The following CFAP54 variants were observed in gnomAD, a reference collection of about 807,000 sequenced individuals.
CFAP54 encodes the protein cilia- and flagella-associated protein 54.
A neutral mutation model predicts 370.4 loss-of-function variants in CFAP54; 290 were observed. That is an observed-to-expected ratio of 0.78 (90% CI 0.71 to 0.86). The LOEUF is 0.86. Among genes scored for constraint, CFAP54 ranks in the 40% least tolerant of loss-of-function variants. The pLI, the probability that CFAP54 is intolerant of heterozygous loss-of-function variation, is 0.00. For synonymous variants in CFAP54, 1,206 were observed against 1,236.5 expected (o/e 0.98, Z 0.52); for missense variants, 3,399 against 3,528.7 (o/e 0.96, Z 0.93).
chr12:96,677,723 T>C (rs1957227748), intron 39 of CFAP54, among the ~76,000 whole-genome samples: 1 of 152,306 alleles, frequency 6.6e-6, no homozygotes, highest in Admixed American at 6.5e-5. Context: ...AAATGTGTGA[T>C]AGGGAATTGT....
chr12:96,533,396 G>A (rs1392616702), intron 9 of CFAP54, among the ~76,000 whole-genome samples: 2 of 152,054 alleles, frequency 1.3e-5, no homozygotes, highest in Non-Finnish European at 2.9e-5. Flanking sequence ...ATTATTCTGT[G>A]CAAGGCAACA....
Position 96,519,043 on chromosome 12 carries a change from A to T in CFAP54, c.914A>T (p.Tyr305Phe). The T allele has an allele frequency of 6.5e-7, 1 of 1,534,944 alleles. No individual in the cohort carries two copies. The highest frequency in any genetic ancestry group is 8.7e-7 in the Non-Finnish European group (1 of 1,146,582). ...TLYTAVCQCC[Y>F]DCHAGIHGEA... The stretch of plus-strand genomic sequence containing the variant: ...TACACAGCTGTTTGCCAGTGCTGCT[A>T]TGACTGCCATGCCGGGATTCACGGA... Residue 305 changes from tyrosine to phenylalanine, a missense_variant, in exon 6 of 68, where the codon TAT becomes TTT. Tyr to Phe is a conservative substitution (Grantham distance 22). Transcript: ENST00000524981.
Position 96,835,890 on chromosome 12 carries a change from G to T in CFAP54, c.9171+6802G>T, listed in dbSNP as rs118175511. On this transcript the variant is annotated intron_variant, in intron 66 of 67. Coordinates refer to ENST00000524981, the MANE Select transcript of CFAP54 (RefSeq NM_001306084.2). Reference sequence around the variant, plus strand: ...AGCTGGTGTGATGGCAGTGGTAGGCGATCTGGAGTGGCTGCTGCCATCATT... The same window carrying T: ...AGCTGGTGTGATGGCAGTGGTAGGCTATCTGGAGTGGCTGCTGCCATCATT... Among the ~76,000 whole-genome samples, 1,440 of 152,270 alleles carry T rather than the reference G, an allele frequency of 9.5e-3. 55 individuals carry two copies. In the East Asian group the frequency reaches 0.1, roughly 11 times the overall value.
intron 45 of CFAP54, among the ~76,000 whole-genome samples, chr12:96,695,020 C>CA (rs898291231): frequency 8.0e-5 from 12 of 149,120 alleles, no homozygotes; most frequent in African/African-American, 1.5e-4. Context: ...GACTCCGTGT[C>CA]AAAAAAAACA....
At chr12:96,830,876 A>C (rs922701338) in intron 66 of CFAP54, among the ~76,000 whole-genome samples, 1 of 151,790 alleles carries the variant, frequency 6.6e-6, no homozygotes, top group African/African-American at 2.4e-5. Flanking sequence ...GGGTTTCACC[A>C]TGTTGACCAG....
In CFAP54 at chr12:96,599,812, A is replaced by C. The variant is rs145497012; in HGVS notation, c.3639+1045A>C. ...TTGGCTGCATAAATGTCTTCTTTTA[A>C]GAAGTGTCTGTTCATATCCTTTGCC... On this transcript the variant is annotated intron_variant, in intron 26 of 67. Transcript: ENST00000524981. 9.1e-3 allele frequency among the ~76,000 whole-genome samples: 1,381 copies of C among 152,294 alleles called. 12 individuals are homozygous for C. The highest frequency in any genetic ancestry group is 0.037 in the Middle Eastern group (11 of 294).
intron 66 of CFAP54, among the ~76,000 whole-genome samples, chr12:96,834,633 A>C (rs965998765): frequency 2.0e-5 from 3 of 152,232 alleles, no homozygotes; most frequent in Non-Finnish European, 4.4e-5. Flanking sequence ...AGAAGCCTGG[A>C]GATGCCAGGA....
intron 55 of CFAP54, among the ~76,000 whole-genome samples, chr12:96,749,498 C>A (rs1958159195): frequency 6.6e-6 from 1 of 152,196 alleles, no homozygotes; most frequent in South Asian, 2.1e-4. Flanking sequence ...ATGCCTAGAC[C>A]AGTGCCTGGG....
At chr12:96,858,717 T>C (rs1592816013) in intron 66 of CFAP54, among the ~76,000 whole-genome samples, 1 of 152,172 alleles carries the variant, frequency 6.6e-6, no homozygotes. Flanking sequence ...ATGAGAATTA[T>C]GGAACACTGC....
At chr12:96,791,634 A>G (rs1293152532) in intron 62 of CFAP54, among the ~76,000 whole-genome samples, 1 of 152,216 alleles carries the variant, frequency 6.6e-6, no homozygotes, top group Non-Finnish European at 1.5e-5. Context: ...CATTGCAAAA[A>G]AATACTATTG....
chr12:96,612,259 A>C (rs942241484), intron 26 of CFAP54, among the ~76,000 whole-genome samples: 4 of 152,348 alleles, frequency 2.6e-5, no homozygotes, highest in East Asian at 1.9e-4. Flanking sequence ...AAAGAATTTT[A>C]AACCTAGAAT....
intron 38 of CFAP54, among the ~76,000 whole-genome samples, chr12:96,663,066 AG>A (rs1289919359): frequency 6.6e-6 from 1 of 152,174 alleles, no homozygotes; most frequent in Non-Finnish European, 1.5e-5. Flanking sequence ...GGCACGTAAT[AG>A]GTGTTCAGTA....
chr12:96,654,517 T>A (rs1034419214), intron 36 of CFAP54, among the ~76,000 whole-genome samples: 5 of 120,952 alleles, frequency 4.1e-5, no homozygotes, highest in East Asian at 2.5e-4. Flanking sequence ...AAAAAAAAAA[T>A]TTATGGGGTA....
At chr12:96,854,048 C>G (rs1959631347) in intron 66 of CFAP54, among the ~76,000 whole-genome samples, 1 of 151,712 alleles carries the variant, frequency 6.6e-6, no homozygotes, top group Non-Finnish European at 1.5e-5. Context: ...GGAAAGTATT[C>G]CACAATGAAA....
chr12:96,632,441 A>G (rs1283665860), intron 32 of CFAP54, among the ~76,000 whole-genome samples: 3 of 152,004 alleles, frequency 2.0e-5, no homozygotes, highest in African/African-American at 4.8e-5. Context: ...TGAGAAGATG[A>G]GTCCCTTTCA....
At position 96,663,916 on chromosome 12, in the gene CFAP54, A is replaced by G. The variant is rs768655189; in HGVS notation, c.5547A>G (p.Lys1849=). The G allele has an allele frequency of 2.5e-6, 4 of 1,612,088 alleles. No homozygotes were observed. Among genetic ancestry groups the G allele is most frequent in the Non-Finnish European group, 3.4e-6 (4 of 1,178,638 alleles). The change falls in exon 39 of 68, where the codon AAA becomes AAG. Residue 1849 remains lysine, a synonymous_variant. Transcript: ENST00000524981. ...CAAGCAACTGCACAGATTTGCTAAA[A>G]ATGCTTATCTCTTCAGGTCAGAACC... is the stretch of plus-strand genomic sequence containing the variant. ...EATSNCTDLL[K]MLISSEYSRA...
At chr12:96,854,045 A>G (rs1472063273) in intron 66 of CFAP54, among the ~76,000 whole-genome samples, 1 of 152,072 alleles carries the variant, frequency 6.6e-6, no homozygotes, top group East Asian at 1.9e-4. Flanking sequence ...CATGGAAAGT[A>G]TTCCACAATG....
chr12:96,739,122 G>A (rs1423810776), intron 50 of CFAP54, among the ~76,000 whole-genome samples: 1 of 152,066 alleles, frequency 6.6e-6, no homozygotes, highest in African/African-American at 2.4e-5. Flanking sequence ...TATTCAAGTG[G>A]AGCTGTTAAG....
intron 50 of CFAP54, among the ~76,000 whole-genome samples, chr12:96,730,290 C>T (rs951567275): frequency 6.6e-6 from 1 of 152,178 alleles, no homozygotes; most frequent in African/African-American, 2.4e-5. Context: ...TGAACAGTCT[C>T]ATAGAGGTTA....
Sources: gnomAD v4.1 joint callset for allele counts (sites outside exome capture counted in the v4.1 genomes callset) on GRCh38, gnomAD v4.1.1 for gene constraint, MANE v1.5 for transcripts, NCBI Gene and HGNC (gene_info 2026-07-23, HGNC 2026-07-21) for gene names.